The following BABAM2 variants were observed in gnomAD, a reference collection of about 807,000 sequenced individuals.
BABAM2 encodes BRISC and BRCA1 A complex member 2, also known as BRISC and BRCA1-A complex member 2.
Under a neutral mutation model 54.7 loss-of-function variants are expected in BABAM2, and 31 were observed. That is an observed-to-expected ratio of 0.57 (90% confidence interval 0.43 to 0.77). The LOEUF (loss-of-function observed/expected upper bound fraction) is 0.77, where lower values mean the gene tolerates loss of function less well. Ranked by LOEUF, BABAM2 falls within the 30% of genes least tolerant of loss-of-function variation. The pLI is 0.00. For missense variants in BABAM2, 364 were observed against 455.8 expected (o/e 0.80, Z 1.83); for synonymous variants, 167 against 162.9 (o/e 1.03, Z -0.19).
At chr2:28,207,751 G>T (rs930574678) in intron 7 of BABAM2, among the ~76,000 whole-genome samples, 1 of 152,062 alleles carries the variant, frequency 6.6e-6, no homozygotes, top group African/African-American at 2.4e-5. Context: ...GTTATTTCTG[G>T]ATACCTCCAA....
chr2:28,089,597 T>TA (rs1665984364), intron 6 of BABAM2, among the ~76,000 whole-genome samples: 1 of 152,248 alleles, frequency 6.6e-6, no homozygotes. Flanking sequence ...ATATTTTTAT[T>TA]ATCTACATCT....
chr2:27,939,650 T>C (rs1015673094), intron 3 of BABAM2, among the ~76,000 whole-genome samples: 8 of 152,236 alleles, frequency 5.3e-5, no homozygotes, highest in Non-Finnish European at 1.0e-4. Context: ...CATTTGCAGA[T>C]TTGGAGTCTG....
chr2:28,095,775 C>T lies in BABAM2; in HGVS notation c.571-33496C>T, dbSNP rs148791569. Among the ~76,000 whole-genome samples the T allele has an allele frequency of 1.2e-3, 176 of 152,174 alleles. 1 individual carries two copies. Among genetic ancestry groups the T allele is most frequent in the African/African-American group, 4.2e-3 (174 of 41,504 alleles). ...TCAAGAACAAAGGACGTAATAATTCCGACAGCTGTCTCTGAGGTTTTAAGT... is the reference window on the plus strand; with the variant it reads ...TCAAGAACAAAGGACGTAATAATTCTGACAGCTGTCTCTGAGGTTTTAAGT... On this transcript the variant is annotated intron_variant, in intron 6 of 11. Transcript: ENST00000379624.
chr2:28,286,130 A>G (rs1686784210), intron 10 of BABAM2, among the ~76,000 whole-genome samples: 1 of 151,542 alleles, frequency 6.6e-6, no homozygotes, highest in African/African-American at 2.4e-5. Context: ...TAATTTTTGT[A>G]TTTTTATTAG....
At chr2:28,174,211 T>C (rs1674667745) in intron 7 of BABAM2, among the ~76,000 whole-genome samples, 1 of 152,238 alleles carries the variant, frequency 6.6e-6, no homozygotes, top group Admixed American at 6.5e-5. Context: ...GACTGTGTTC[T>C]AAACCTTTGG....
chr2:27,954,380 C>T (rs1308529385), intron 3 of BABAM2, among the ~76,000 whole-genome samples: 1 of 152,214 alleles, frequency 6.6e-6, no homozygotes, highest in Non-Finnish European at 1.5e-5. Flanking sequence ...CTGTGAGGGA[C>T]TGGGAATGCT....
intron 7 of BABAM2, among the ~76,000 whole-genome samples, chr2:28,151,988 T>C (rs1184317674): frequency 6.7e-6 from 1 of 149,378 alleles, no homozygotes; most frequent in African/African-American, 2.5e-5. Context: ...GCACTGTGAA[T>C]AAGTGATAAG....
intron 3 of BABAM2, among the ~76,000 whole-genome samples, chr2:27,970,723 A>G (rs1014253678): frequency 3.9e-5 from 6 of 152,058 alleles, no homozygotes; most frequent in Admixed American, 3.3e-4. Flanking sequence ...TTTTTTCCCC[A>G]GATCTGTGAT....
intron 7 of BABAM2, among the ~76,000 whole-genome samples, chr2:28,149,027 A>C (rs1321042234): frequency 1.3e-5 from 2 of 152,192 alleles, no homozygotes; most frequent in East Asian, 3.8e-4. Context: ...CCTTATTAAT[A>C]GCAATGCATT....
chr2:28,186,701 G>A (rs765922790), intron 7 of BABAM2, among the ~76,000 whole-genome samples: 11 of 151,966 alleles, frequency 7.2e-5, no homozygotes, highest in East Asian at 1.9e-4. Flanking sequence ...ATGGAGAAGC[G>A]AAGCGAAGCA....
At chr2:28,176,576 A>AAAAAAAAC (rs1674982822) in intron 7 of BABAM2, among the ~76,000 whole-genome samples, 1 of 139,502 alleles carries the variant, frequency 7.2e-6, no homozygotes, top group Non-Finnish European at 1.5e-5. Flanking sequence ...TCTCAAAAAA[A>AAAAAAAAC]AAAAAAAAAA....
intron 10 of BABAM2, among the ~76,000 whole-genome samples, chr2:28,281,074 G>A (rs12468596): frequency 0.16 from 24,143 of 152,096 alleles, 2,399 homozygotes; most frequent in East Asian, 0.34. Context: ...AATGCTCTGT[G>A]TATATGAACT....
chr2:28,271,279 T>C (rs1242755772), intron 10 of BABAM2, among the ~76,000 whole-genome samples: 3 of 151,924 alleles, frequency 2.0e-5, no homozygotes, highest in African/African-American at 7.3e-5. Flanking sequence ...GGTGGTCGAG[T>C]GTGTTTGATT....
chr2:28,215,215 G>T (rs1679822665), intron 7 of BABAM2, among the ~76,000 whole-genome samples: 2 of 152,144 alleles, frequency 1.3e-5, no homozygotes, highest in South Asian at 4.1e-4. Context: ...GGGATTAGGA[G>T]TGTGCACTTT....
At chr2:28,111,239 C>T (rs1401458402) in intron 6 of BABAM2, among the ~76,000 whole-genome samples, 2 of 151,832 alleles carry the variant, frequency 1.3e-5, no homozygotes, top group Non-Finnish European at 2.9e-5. Flanking sequence ...CCTTGGCCTC[C>T]CAAAATTCTG....
intron 7 of BABAM2, among the ~76,000 whole-genome samples, chr2:28,161,388 A>T (rs903970258): frequency 5.3e-5 from 8 of 152,078 alleles, no homozygotes; most frequent in African/African-American, 1.9e-4. Flanking sequence ...ACTCCAGGGA[A>T]TGGGAATGGG....
intron 4 of BABAM2, among the ~76,000 whole-genome samples, chr2:28,009,384 A>C (rs1370819484): frequency 6.6e-6 from 1 of 152,136 alleles, no homozygotes; most frequent in Non-Finnish European, 1.5e-5. Context: ...AAGATTGCAT[A>C]TTGGCAGCCT....
intron 7 of BABAM2, among the ~76,000 whole-genome samples, chr2:28,189,208 A>G (rs188828999): frequency 6.6e-6 from 1 of 152,306 alleles, no homozygotes; most frequent in Non-Finnish European, 1.5e-5. Flanking sequence ...TCAAAAAAAA[A>G]AAAAGGATTT....
At chr2:28,073,368 T>C (rs1187032051) in intron 6 of BABAM2, among the ~76,000 whole-genome samples, 1 of 151,936 alleles carries the variant, frequency 6.6e-6, no homozygotes, top group African/African-American at 2.4e-5. Context: ...TGTCGTGGTG[T>C]GCTTCTGTAG....
Sources: gnomAD v4.1 joint callset for allele counts (sites outside exome capture counted in the v4.1 genomes callset) on GRCh38, gnomAD v4.1.1 for gene constraint, MANE v1.5 for transcripts, NCBI Gene and HGNC (gene_info 2026-07-23, HGNC 2026-07-21) for gene names.